Variants in DNM2 observed in about 807,000 individuals in gnomAD.
The protein encoded by DNM2 is dynamin 2.
Under a neutral mutation model 99.0 loss-of-function variants are expected in DNM2, and 15 were observed. The observed-to-expected ratio is 0.15, with a 90% CI of 0.10 to 0.23. The LOEUF (loss-of-function observed/expected upper bound fraction) is 0.23. Among genes scored for constraint, DNM2 ranks in the 10% least tolerant of loss-of-function variants. The pLI, the probability that DNM2 is intolerant of heterozygous loss-of-function variation, is 1.00. For synonymous variants in DNM2, 525 were observed against 481.2 expected, an observed-to-expected ratio of 1.09 and a Z score of -1.19; for missense variants, 742 against 1,189.4, an observed-to-expected ratio of 0.62 and a Z score of 5.53.
intron 5 of DNM2, among the ~76,000 whole-genome samples, chr19:10,780,949 C>T (rs2071348117): frequency 6.8e-6 from 1 of 147,326 alleles, no homozygotes; most frequent in Admixed American, 7.0e-5. Flanking sequence ...ACCCAGGAGG[C>T]AGAGGTTGTA....
In DNM2 at chr19:10,764,910, G is replaced by A. The variant is rs2070745247; in HGVS notation, c.235+5099G>A. On this transcript the variant is annotated intron_variant, in intron 2 of 20. Coordinates refer to ENST00000389253, the MANE Select transcript of DNM2 (RefSeq NM_001005361.3). This position sits in a 1 kb window ranked among gnomAD's most constrained non-coding sequence, Gnocchi z 4.1. ...CCGCACCTGGTCACTTGCCGCCTTCGTTCCCCGGTCCCCGGCAGCACGAGT... is the reference window on the plus strand; with the variant it reads ...CCGCACCTGGTCACTTGCCGCCTTCATTCCCCGGTCCCCGGCAGCACGAGT... Among the ~76,000 whole-genome samples, 3 of 151,344 alleles carry A rather than the reference G, an allele frequency of 2.0e-5. No individual in the cohort carries two copies. Among genetic ancestry groups the A allele is most frequent in the African/African-American group, 4.9e-5 (2 of 41,120 alleles).
rs763948283 is a variant in DNM2 at position 10,777,182 on chromosome 19, C to A, written c.654C>A (p.Asp218Glu). ...DLMDEGTDAR[D>E]VLENKLLPLR... ...TGGACGAGGGCACCGACGCCAGGGA[C>A]GTCTTGGAGAACAAGTTGCTCCCGT... is the stretch of plus-strand genomic sequence containing the variant. The change falls in exon 5 of 21, where the codon GAC becomes GAA. Residue 218 changes from aspartate to glutamate, a missense_variant. Around this residue, in one of 7 missense-constraint regions of DNM2, gnomAD observed 192 missense variants for 358.9 expected, o/e 0.54. Transcript: ENST00000389253. 2 of 1,614,154 alleles carry A rather than the reference C, an allele frequency of 1.2e-6. No homozygotes were observed. Among genetic ancestry groups the A allele is most frequent in the Admixed American group, 1.7e-5 (1 of 60,002 alleles).
intron 1 of DNM2, chr19:10,718,696 T>A: frequency 3.7e-6 from 1 of 268,752 alleles, no homozygotes; most frequent in Non-Finnish European, 6.8e-6. Context: ...GTGGGTGAAG[T>A]CTGCCATCTG....
chr19:10,760,547 C>T (rs1010782238), intron 2 of DNM2, among the ~76,000 whole-genome samples: 4 of 152,128 alleles, frequency 2.6e-5, no homozygotes, highest in Non-Finnish European at 4.4e-5. Flanking sequence ...CTCAGCATGT[C>T]GCCAGTTGTC....
intron 6 of DNM2, among the ~76,000 whole-genome samples, chr19:10,785,148 C>T (rs775194601): frequency 1.3e-4 from 19 of 151,946 alleles, no homozygotes; most frequent in South Asian, 2.1e-4. Flanking sequence ...GATGGAGTCT[C>T]GCTCTGTTGC....
rs563650620 is a variant in DNM2 at position 10,787,428 on chromosome 19, G to A, written c.992+722G>A. On this transcript the variant is annotated intron_variant, in intron 7 of 20. Transcript: ENST00000389253. ...GGAGCTTTCAGTGAGTCGAGATTGCGCAACTTCACTCCAGCCTGGGCATCA... is the reference window on the plus strand; with the variant it reads ...GGAGCTTTCAGTGAGTCGAGATTGCACAACTTCACTCCAGCCTGGGCATCA... 2.4e-4 allele frequency among the ~76,000 whole-genome samples: 36 copies of A among 150,862 alleles called. No individual in the cohort carries two copies. The South Asian group carries it at 4.6e-3, about 19-fold the overall frequency.
chr19:10,784,510 G>A (rs550990734), intron 6 of DNM2, among the ~76,000 whole-genome samples: 3 of 152,182 alleles, frequency 2.0e-5, no homozygotes, highest in Admixed American at 1.3e-4. Context: ...CCTCCAGGGA[G>A]CCTGGAGGGG....
At chr19:10,797,245 G>C (rs1333341999) in intron 9 of DNM2, 135 bp from the exon 10 acceptor site, 1 of 1,328,170 alleles carries the variant, frequency 7.5e-7, no homozygotes, top group Non-Finnish European at 1.0e-6. Context: ...GGCAAATGCG[G>C]GCGCAGGCTC....
At chr19:10,746,734 G>GTTTTTTT (rs1442794369) in intron 1 of DNM2, among the ~76,000 whole-genome samples, 1 of 123,130 alleles carries the variant, frequency 8.1e-6, no homozygotes, top group African/African-American at 3.1e-5. Context: ...TTTGTTTTTT[G>GTTTTTTT]TTTTTTTTTT....
At chr19:10,738,431 A>G (rs933617255) in intron 1 of DNM2, among the ~76,000 whole-genome samples, 1 of 151,650 alleles carries the variant, frequency 6.6e-6, no homozygotes, top group Non-Finnish European at 1.5e-5. Flanking sequence ...AGCCTGGGCA[A>G]TATAGTGAGA....
In DNM2 at chr19:10,811,790, C is replaced by T. The variant is rs1208842054; in HGVS notation, c.1558-474C>T. 3.9e-6 allele frequency: 2 copies of T among 518,432 alleles called. No individual in the cohort carries two copies. The highest frequency in any genetic ancestry group is 1.9e-5 in the Admixed American group (1 of 51,536). 32.1% of individuals were successfully genotyped at this position (518,432 alleles called of 1,614,324 possible). On this transcript the variant is annotated intron_variant, in intron 14 of 20. Transcript: ENST00000389253. This position sits in a 1 kb window ranked among gnomAD's most constrained non-coding sequence, Gnocchi z 5.4. ...ATGTGTCAGTCAAAAGGATGACCAC[C>T]AGGCTTGCAGCCAGCTTGGGACATG...
chr19:10,726,822 C>T (rs1315505541), intron 1 of DNM2, among the ~76,000 whole-genome samples: 2 of 152,104 alleles, frequency 1.3e-5, no homozygotes, highest in East Asian at 1.9e-4. Context: ...GAGATTGCGC[C>T]GCTGCACTCC....
rs1394736636 is a variant in DNM2, at chr19:10,812,966, A to G, written c.1671+589A>G. The stretch of plus-strand genomic sequence containing the variant: ...GAAACAGGCCCTGACCTCCAGTGCC[A>G]CTGTGACTGCCCCGTGCTCAAGAGA... On this transcript the variant is annotated intron_variant, in intron 15 of 20. Coordinates refer to ENST00000389253, the MANE Select transcript of DNM2 (RefSeq NM_001005361.3). The surrounding 1 kb of genome is among the most constrained non-coding windows in gnomAD (Gnocchi z 4.0). 6.6e-6 allele frequency among the ~76,000 whole-genome samples: 1 copy of G among 152,226 alleles called. No homozygotes were observed. The highest frequency in any genetic ancestry group is 1.5e-5 in the Non-Finnish European group (1 of 68,036).
rs1263643269 is a variant in DNM2 at position 10,796,850 on chromosome 19, C to T, written c.1197-530C>T. On this transcript the variant is annotated intron_variant, in intron 9 of 20. Coordinates refer to ENST00000389253, the MANE Select transcript of DNM2 (RefSeq NM_001005361.3). The surrounding 1 kb of genome is among the most constrained non-coding windows in gnomAD (Gnocchi z 5.6). ...GCTCCCCCAACCCGCGCCAACGCCG[C>T]GGGCCTGGTTCCCAGGGCAGCACGC... Among the ~76,000 whole-genome samples, 3 of 152,062 alleles carry T rather than the reference C, an allele frequency of 2.0e-5. No homozygotes were observed. The highest frequency in any genetic ancestry group is 2.1e-4 in the South Asian group (1 of 4,826).
At chr19:10,799,888 A>T (rs915258750) in intron 11 of DNM2, among the ~76,000 whole-genome samples, 9 of 150,808 alleles carry the variant, frequency 6.0e-5, no homozygotes, top group Middle Eastern at 6.8e-3. Context: ...GCAAGCACAC[A>T]CCCCAAGTTG....
chr19:10,747,125 C>G (rs2070018442), intron 1 of DNM2, among the ~76,000 whole-genome samples: 1 of 151,672 alleles, frequency 6.6e-6, no homozygotes, highest in South Asian at 2.1e-4. Context: ...AGATTGCGTG[C>G]CAAGGTGCTG....
At chr19:10,743,174 A>G (rs1462449481) in intron 1 of DNM2, among the ~76,000 whole-genome samples, 1 of 151,014 alleles carries the variant, frequency 6.6e-6, no homozygotes, top group African/African-American at 2.4e-5. Context: ...CCAAAATACT[A>G]GGATTACAGG....
At chr19:10,729,724 C>T (rs927780687) in intron 1 of DNM2, among the ~76,000 whole-genome samples, 3 of 152,206 alleles carry the variant, frequency 2.0e-5, no homozygotes, top group African/African-American at 4.8e-5. Context: ...GAAGAGCACA[C>T]TGCCCAGCCC....
chr19:10,771,397 A>G (rs2070974221), intron 2 of DNM2, among the ~76,000 whole-genome samples: 1 of 152,050 alleles, frequency 6.6e-6, no homozygotes, highest in South Asian at 2.1e-4. Flanking sequence ...CCCGGGTCTT[A>G]TATACACTCA....
Sources: gnomAD v4.1 joint callset for allele counts (sites outside exome capture counted in the v4.1 genomes callset) on GRCh38, gnomAD v4.1.1 for gene constraint, gnomAD v4.1.1 regional missense constraint, Gnocchi (gnomAD v3.1) non-coding constraint, MANE v1.5 for transcripts, NCBI Gene and HGNC (gene_info 2026-07-23, HGNC 2026-07-21) for gene names.